CCDC148: variants seen among roughly 807,000 people sequenced by gnomAD.
CCDC148 encodes coiled-coil domain containing 148, also known as coiled-coil domain-containing protein 148.
Under a neutral mutation model 85.7 loss-of-function variants are expected in CCDC148, and 89 were observed. That is an observed-to-expected ratio of 1.04 (90% CI 0.87 to 1.24). The LOEUF is 1.24. Among genes scored for constraint, CCDC148 ranks in the 50% most tolerant of loss-of-function variants. The probability of loss-of-function intolerance (pLI) is 0.00; values close to 1 mark genes in which losing one functional copy is unlikely to be tolerated. For synonymous variants in CCDC148, 230 were observed against 213.9 expected (o/e 1.08, Z -0.66); for missense variants, 692 against 671.7 (o/e 1.03, Z -0.33).
intron 2 of CCDC148, among the ~76,000 whole-genome samples, chr2:158,350,629 A>G (rs1047097243): frequency 2.0e-5 from 3 of 152,172 alleles, no homozygotes; most frequent in African/African-American, 7.2e-5. Context: ...CATAATTTCT[A>G]TTATCACAAA....
At chr2:158,185,362 G>A (rs1359727441) in intron 11 of CCDC148, among the ~76,000 whole-genome samples, 1 of 152,100 alleles carries the variant, frequency 6.6e-6, no homozygotes, top group Non-Finnish European at 1.5e-5. Context: ...ATATTTAAAG[G>A]GTCTATTCAG....
intron 1 of CCDC148, among the ~76,000 whole-genome samples, chr2:158,415,670 T>C (rs1323102140): frequency 6.6e-6 from 1 of 151,924 alleles, no homozygotes; most frequent in Non-Finnish European, 1.5e-5. Context: ...CAATGGGATA[T>C]AGGAATTACT....
At chr2:158,220,283 G>A (rs563919770) in intron 11 of CCDC148, among the ~76,000 whole-genome samples, 27 of 152,178 alleles carry the variant, frequency 1.8e-4, no homozygotes, top group African/African-American at 6.5e-4. Flanking sequence ...CCTCCTTCTG[G>A]GTCAAGAGAT....
chr2:158,446,848 A>G (rs1169478608), intron 1 of CCDC148, among the ~76,000 whole-genome samples: 1 of 152,128 alleles, frequency 6.6e-6, no homozygotes, highest in East Asian at 1.9e-4. Flanking sequence ...GGAGTTTCAT[A>G]TAAATGGTAT....
chr2:158,354,606 A>C (rs1014000691), intron 2 of CCDC148, among the ~76,000 whole-genome samples: 1 of 152,208 alleles, frequency 6.6e-6, no homozygotes, highest in African/African-American at 2.4e-5. Flanking sequence ...AACCAAAAAG[A>C]GTCCAGGACC....
intron 2 of CCDC148, among the ~76,000 whole-genome samples, chr2:158,351,477 A>T (rs1161069579): frequency 1.3e-4 from 8 of 61,950 alleles, no homozygotes; most frequent in African/African-American, 4.1e-4. Flanking sequence ...GGGCACCTGG[A>T]AAATCGGGTC....
In CCDC148 at chr2:158,412,865, A is replaced by ATTT. The variant is rs1473751242; in HGVS notation, c.25+43549_25+43550insAAA. ...TATTATTATTATTATTATTATTATTATTATACTTTAAGTTTTAGGGTACAT... is the reference window on the plus strand; with the variant it reads ...TATTATTATTATTATTATTATTATTATTTTTATACTTTAAGTTTTAGGGTACAT... On this transcript the variant is annotated intron_variant, in intron 1 of 13. Transcript: ENST00000283233. 6.2e-5 allele frequency among the ~76,000 whole-genome samples: 7 copies of ATTT among 113,054 alleles called. No homozygotes were observed. In the East Asian group the frequency reaches 1.5e-3, roughly 24 times the overall value. 74.2% of individuals were successfully genotyped at this position (113,054 alleles called of 152,430 possible). A position where few individuals can be genotyped will look rare whatever the true frequency, so the allele number is the denominator to read the frequency against.
At position 158,390,625 on chromosome 2, in the gene CCDC148, T is replaced by C. The variant is rs1255051855; in HGVS notation, c.26-32055A>G. 2.6e-5 allele frequency among the ~76,000 whole-genome samples: 4 copies of C among 152,116 alleles called. No individual in the cohort carries two copies. The East Asian group carries it at 7.7e-4, about 29-fold the overall frequency. On this transcript the variant is annotated intron_variant, in intron 1 of 13. Coordinates refer to ENST00000283233, the MANE Select transcript of CCDC148 (RefSeq NM_138803.4). ...TAGAGATCTAAGACATACCAAAGCTTAACAGCTGTCATAAGCTATGTTTCC... is the reference window on the plus strand; with the variant it reads ...TAGAGATCTAAGACATACCAAAGCTCAACAGCTGTCATAAGCTATGTTTCC...
intron 9 of CCDC148, among the ~76,000 whole-genome samples, chr2:158,305,732 C>A (rs1691652323): frequency 8.1e-6 from 1 of 122,898 alleles, no homozygotes; most frequent in Non-Finnish European, 1.6e-5. Context: ...CCAGCCTGGG[C>A]AACAGAATGA....
chr2:158,219,194 C>T (rs980610116), intron 11 of CCDC148, among the ~76,000 whole-genome samples: 10 of 152,138 alleles, frequency 6.6e-5, no homozygotes, highest in Admixed American at 2.6e-4. Context: ...TTTTTTACAG[C>T]GACTAACTTA....
chr2:158,283,278 T>C (rs369805329), intron 9 of CCDC148, among the ~76,000 whole-genome samples: 4 of 152,094 alleles, frequency 2.6e-5, no homozygotes, highest in Admixed American at 6.5e-5. Flanking sequence ...AATTGACAAA[T>C]GGGATCTAAT....
intron 1 of CCDC148, among the ~76,000 whole-genome samples, chr2:158,412,473 G>C (rs1382580094): frequency 1.3e-5 from 2 of 152,106 alleles, no homozygotes; most frequent in Non-Finnish European, 2.9e-5. Flanking sequence ...AACTCAGAGT[G>C]CTTGTATTCT....
chr2:158,214,152 A>G (rs991994397), intron 11 of CCDC148, among the ~76,000 whole-genome samples: 1 of 150,558 alleles, frequency 6.6e-6, no homozygotes, highest in African/African-American at 2.4e-5. Context: ...AAAGACAAAG[A>G]TACATTCTTA....
chr2:158,350,885 T>C (rs920419579), intron 2 of CCDC148, among the ~76,000 whole-genome samples: 3 of 152,184 alleles, frequency 2.0e-5, no homozygotes, highest in African/African-American at 7.2e-5. Flanking sequence ...TATCATTTCT[T>C]TGTGGGGAGT....
intron 10 of CCDC148, among the ~76,000 whole-genome samples, chr2:158,220,919 G>C (rs1250072611): frequency 6.6e-6 from 1 of 152,134 alleles, no homozygotes; most frequent in Admixed American, 6.5e-5. Flanking sequence ...AAACTGCAAG[G>C]TTTAACAATT....
At chr2:158,444,947 A>C (rs1463810907) in intron 1 of CCDC148, among the ~76,000 whole-genome samples, 1 of 152,100 alleles carries the variant, frequency 6.6e-6, no homozygotes, top group Admixed American at 6.6e-5. Flanking sequence ...GTAAAGTAGA[A>C]ATAAGGAGTT....
intron 11 of CCDC148, among the ~76,000 whole-genome samples, chr2:158,201,010 C>A (rs1437037439): frequency 2.0e-5 from 3 of 152,122 alleles, no homozygotes; most frequent in Admixed American, 1.3e-4. Flanking sequence ...ATTTGTTTCC[C>A]AATTAGCCCT....
chr2:158,452,558 T>C (rs781251124), intron 1 of CCDC148, among the ~76,000 whole-genome samples: 1 of 152,212 alleles, frequency 6.6e-6, no homozygotes, highest in Non-Finnish European at 1.5e-5. Context: ...TGTGGTCCCT[T>C]CAATAGGAAC....
At chr2:158,266,900 A>G (rs951584504) in intron 9 of CCDC148, among the ~76,000 whole-genome samples, 5 of 127,932 alleles carry the variant, frequency 3.9e-5, no homozygotes, top group African/African-American at 1.3e-4. Context: ...ATTTACATAT[A>G]TATATACACA....
Sources: gnomAD v4.1 joint callset for allele counts (sites outside exome capture counted in the v4.1 genomes callset) on GRCh38, gnomAD v4.1.1 for gene constraint, MANE v1.5 for transcripts, NCBI Gene and HGNC (gene_info 2026-07-23, HGNC 2026-07-21) for gene names.